PRKG1: variants seen among roughly 807,000 people sequenced by gnomAD.
PRKG1 encodes the protein cGMP-dependent protein kinase 1.
In PRKG1, 35 loss-of-function variants were observed where a neutral mutation model predicts 88.1. The observed-to-expected ratio is 0.40, with a 90% CI of 0.30 to 0.53. PRKG1 has a LOEUF of 0.53. PRKG1 is among the 20% of genes least tolerant of loss of function. PRKG1 has a pLI of 0.59. For missense variants in PRKG1, 540 were observed against 839.8 expected, an observed-to-expected ratio of 0.64 and a Z score of 4.41; for synonymous variants, 303 against 292.5, an observed-to-expected ratio of 1.04 and a Z score of -0.37.
At chr10:51,075,839 T>C (rs929805240) in intron 1 of PRKG1, among the ~76,000 whole-genome samples, 2 of 152,084 alleles carry the variant, frequency 1.3e-5, no homozygotes, top group African/African-American at 4.8e-5. Flanking sequence ...CAACTCAGAG[T>C]TCATATGGAG....
intron 3 of PRKG1, among the ~76,000 whole-genome samples, chr10:51,576,316 A>G (rs1837885262): frequency 6.6e-6 from 1 of 151,990 alleles, no homozygotes; most frequent in Non-Finnish European, 1.5e-5. Flanking sequence ...ATAAAATTAT[A>G]TATAATGATA....
At chr10:51,670,453 A>C (rs1031893754) in intron 3 of PRKG1, among the ~76,000 whole-genome samples, 4 of 151,364 alleles carry the variant, frequency 2.6e-5, no homozygotes, top group Admixed American at 1.3e-4. Context: ...AATGCAAGAT[A>C]AGGCCGGGCG....
intron 2 of PRKG1, among the ~76,000 whole-genome samples, chr10:51,457,356 T>C (rs1385321167): frequency 6.6e-6 from 1 of 152,142 alleles, no homozygotes; most frequent in Non-Finnish European, 1.5e-5. Flanking sequence ...TGTTCTCACT[T>C]ATAAGTGGGA....
At chr10:51,302,797 G>A (rs1266335693) in intron 2 of PRKG1, 1 of 152,114 alleles carries the variant, frequency 6.6e-6, no homozygotes, top group Admixed American at 6.6e-5. Flanking sequence ...AGCATATGCT[G>A]TACATATGAC....
intron 4 of PRKG1, among the ~76,000 whole-genome samples, chr10:51,905,202 C>T (rs1323620026): frequency 6.6e-6 from 1 of 152,164 alleles, no homozygotes; most frequent in Non-Finnish European, 1.5e-5. Flanking sequence ...CATCCAGCTG[C>T]TGAAATAGAC....
intron 2 of PRKG1, among the ~76,000 whole-genome samples, chr10:51,392,940 G>C (rs1386499286): frequency 1.0e-5 from 1 of 98,630 alleles, no homozygotes; most frequent in African/African-American, 3.6e-5. Flanking sequence ...CGGACGGGGC[G>C]GCTGGCCGGG....
intron 2 of PRKG1, among the ~76,000 whole-genome samples, chr10:51,388,453 T>A (rs1422849415): frequency 6.6e-6 from 1 of 152,220 alleles, no homozygotes; most frequent in Non-Finnish European, 1.5e-5. Context: ...TTTTAAATTT[T>A]CTGTCCATGA....
chr10:52,081,507 T>G (rs1846774354), intron 7 of PRKG1: 1 of 443,072 alleles, frequency 2.3e-6, no homozygotes. Flanking sequence ...ATTTGTGTCT[T>G]CAATTAAGGT....
Position 51,450,446 on chromosome 10 carries a change from C to T in PRKG1, c.479-17277C>T, listed in dbSNP as rs140809866. ...AGTAACTCTAAGGTAAGAGGCAAAC[C>T]GTACGGCCAGGGAGCCAATTAAAGT... On this transcript the variant is annotated intron_variant, in intron 2 of 17. Transcript: ENST00000373980. 1.1e-4 allele frequency among the ~76,000 whole-genome samples: 17 copies of T among 151,958 alleles called. No individual in the cohort carries two copies. The East Asian group carries it at 2.9e-3, about 26-fold the overall frequency.
rs574451475 is a variant in PRKG1, at chr10:52,137,140, A to G, written c.1001+3235A>G. 2.0e-5 allele frequency among the ~76,000 whole-genome samples: 3 copies of G among 152,246 alleles called. No individual in the cohort carries two copies. In the East Asian group the frequency reaches 5.8e-4, roughly 29 times the overall value. ...CAAAAGTAGCTTCCTTTACAAATTT[A>G]CAAGCGAGGTACCATGTTCCGTAAG... On this transcript the variant is annotated intron_variant, in intron 8 of 17. Transcript: ENST00000373980.
intron 3 of PRKG1, among the ~76,000 whole-genome samples, chr10:51,505,894 A>C (rs1398893411): frequency 2.0e-5 from 3 of 151,408 alleles, no homozygotes; most frequent in African/African-American, 7.3e-5. Context: ...GCGGTCTATC[A>C]ATTTTGTTGA....
At chr10:51,596,398 C>T (rs1589116950) in intron 3 of PRKG1, among the ~76,000 whole-genome samples, 1 of 152,094 alleles carries the variant, frequency 6.6e-6, no homozygotes, top group South Asian at 2.1e-4. Flanking sequence ...TATTACAGTC[C>T]ATTGAAACCC....
rs79335483 is a variant in PRKG1 at position 51,934,329 on chromosome 10, A to G, written c.762+26759A>G. ...TTTTGAGTTGTGTCAGCCAAAGTGC[A>G]ATGTGCATTAAGGAACAATTCTACA... is the stretch of plus-strand genomic sequence containing the variant. On this transcript the variant is annotated intron_variant, in intron 5 of 17. Coordinates refer to ENST00000373980, the MANE Select transcript of PRKG1 (RefSeq NM_006258.4). Among the ~76,000 whole-genome samples the G allele has an allele frequency of 4.3e-3, 645 of 150,560 alleles. 8 individuals carry two copies. The highest frequency in any genetic ancestry group is 0.015 in the African/African-American group (629 of 41,252).
chr10:51,366,960 G>A (rs759686016), intron 2 of PRKG1, among the ~76,000 whole-genome samples: 9 of 151,756 alleles, frequency 5.9e-5, no homozygotes, highest in Admixed American at 5.9e-4. Flanking sequence ...TTGTAATCCA[G>A]GTGTCTTGGG....
chr10:51,373,846 T>G (rs2588854), intron 2 of PRKG1, among the ~76,000 whole-genome samples: 1 of 150,910 alleles, frequency 6.6e-6, no homozygotes, highest in Non-Finnish European at 1.5e-5. Context: ...TTTCGTTTTT[T>G]AAAAAATTAT....
intron 2 of PRKG1, among the ~76,000 whole-genome samples, chr10:51,214,644 A>AT (rs760314166): frequency 1.3e-4 from 19 of 150,764 alleles, no homozygotes; most frequent in South Asian, 4.2e-4. Flanking sequence ...CCCCAGCTAT[A>AT]TTTTTTTTTA....
At chr10:51,120,340 A>G (rs977153352) in intron 1 of PRKG1, among the ~76,000 whole-genome samples, 3 of 152,170 alleles carry the variant, frequency 2.0e-5, no homozygotes, top group Admixed American at 1.3e-4. Flanking sequence ...TGCCCAAATC[A>G]CAACAAACTA....
chr10:51,404,101 CTA>C (rs1329294120), intron 2 of PRKG1, among the ~76,000 whole-genome samples: 2 of 152,136 alleles, frequency 1.3e-5, no homozygotes, highest in Non-Finnish European at 2.9e-5. Context: ...GCCAAGAAAA[CTA>C]AACAGATGAT....
intron 7 of PRKG1, among the ~76,000 whole-genome samples, chr10:52,126,756 A>T (rs565453165): frequency 6.6e-6 from 1 of 152,332 alleles, no homozygotes; most frequent in African/African-American, 2.4e-5. Context: ...TAGAAGAGTC[A>T]GCTGCATGTG....
Sources: allele counts gnomAD v4.1 joint callset (sites outside exome capture counted in the v4.1 genomes callset), GRCh38; gene constraint gnomAD v4.1.1; transcripts MANE v1.5; gene names NCBI Gene and HGNC (gene_info 2026-07-23, HGNC 2026-07-21).